ATP9A: variants seen among roughly 807,000 people sequenced by gnomAD.
The protein encoded by ATP9A is ATPase phospholipid transporting 9A.
ATP9A carries 52 observed loss-of-function variants against 144.1 expected under a neutral mutation model. That is an observed-to-expected ratio of 0.36 (90% CI 0.29 to 0.45). The LOEUF (loss-of-function observed/expected upper bound fraction) is 0.45, where lower values mean the gene tolerates loss of function less well. ATP9A is among the 20% of genes least tolerant of loss of function. The pLI is 1.00. For missense variants in ATP9A, 947 were observed against 1,392.7 expected, an observed-to-expected ratio of 0.68 and a Z score of 5.09; for synonymous variants, 582 against 557.4, an observed-to-expected ratio of 1.04 and a Z score of -0.62.
chr20:51,676,255 C>T (rs777594350), intron 9 of ATP9A, 47 bp from the exon 10 acceptor site: 1 of 1,431,560 alleles, frequency 7.0e-7, no homozygotes. Flanking sequence ...AATATTAATA[C>T]AGACAGGCAG....
At chr20:51,613,576 A>T in intron 23 of ATP9A, 101 bp downstream of exon 23, 1 of 1,258,090 alleles carries the variant, frequency 7.9e-7, no homozygotes, top group Admixed American at 2.7e-5. Flanking sequence ...TTTCCATGAT[A>T]ATTACATAGC....
intron 14 of ATP9A, among the ~76,000 whole-genome samples, chr20:51,653,317 A>G (rs1047859660): frequency 2.6e-5 from 4 of 152,152 alleles, no homozygotes; most frequent in Non-Finnish European, 5.9e-5. Flanking sequence ...AAAGCATTCC[A>G]TGAAAGATTT....
chr20:51,710,385 T>C (rs1434515246), intron 4 of ATP9A, among the ~76,000 whole-genome samples: 1 of 152,206 alleles, frequency 6.6e-6, no homozygotes, highest in East Asian at 1.9e-4. Flanking sequence ...TCATTTTGCT[T>C]TGGAACTTAC....
At chr20:51,643,905 G>A (rs1195612806) in intron 14 of ATP9A, among the ~76,000 whole-genome samples, 2 of 152,152 alleles carry the variant, frequency 1.3e-5, no homozygotes, top group African/African-American at 4.8e-5. Flanking sequence ...GGAGGCCGAG[G>A]CAGGAGGATC....
chr20:51,748,424 G>C (rs1003973140), intron 1 of ATP9A, among the ~76,000 whole-genome samples: 3 of 152,186 alleles, frequency 2.0e-5, no homozygotes, highest in Non-Finnish European at 4.4e-5. Flanking sequence ...CGCCAGTCCA[G>C]TTCCTACACA....
In ATP9A at chr20:51,721,720, G is replaced by A. The variant is rs1422628805; in HGVS notation, c.327+4099C>T. Among the ~76,000 whole-genome samples, 3 of 148,402 alleles carry A rather than the reference G, an allele frequency of 2.0e-5. No homozygotes were observed. In the Admixed American group the frequency reaches 2.1e-4, roughly 10 times the overall value. ...GGAGGCTGAGGCAGGAGAATGGCAT[G>A]AACCTGGGAGGCGGAGCTTACAGTG... On this transcript the variant is annotated intron_variant, in intron 3 of 27. Coordinates refer to ENST00000338821, the MANE Select transcript of ATP9A (RefSeq NM_006045.3).
intron 13 of ATP9A, among the ~76,000 whole-genome samples, chr20:51,665,666 G>GT (rs542842234): frequency 8.6e-4 from 130 of 151,880 alleles, no homozygotes; most frequent in African/African-American, 3.0e-3. Flanking sequence ...AGAGTTTGTG[G>GT]TAAGCCAAGA....
At chr20:51,601,785 A>G (rs533029863) in intron 27 of ATP9A, among the ~76,000 whole-genome samples, 132 of 152,282 alleles carry the variant, frequency 8.7e-4, no homozygotes, top group Non-Finnish European at 1.6e-3. Flanking sequence ...ACATGCCTAT[A>G]GTCCCAGCTG....
At chr20:51,664,399 C>A (rs2426366) in intron 13 of ATP9A, among the ~76,000 whole-genome samples, 74,110 of 151,554 alleles carry the variant, frequency 0.49, 18,857 homozygotes, top group East Asian at 0.79. Context: ...CCAGCCTGGG[C>A]AAATGGTAAC....
At chr20:51,751,304 T>C (rs1424035809) in intron 1 of ATP9A, among the ~76,000 whole-genome samples, 2 of 142,060 alleles carry the variant, frequency 1.4e-5, no homozygotes, top group African/African-American at 5.2e-5. Context: ...CTCCATCCCA[T>C]GCTGGAGTGC....
At chr20:51,666,023 G>C (rs2077431446) in intron 13 of ATP9A, among the ~76,000 whole-genome samples, 1 of 152,142 alleles carries the variant, frequency 6.6e-6, no homozygotes, top group African/African-American at 2.4e-5. Context: ...CCTTCCGCAG[G>C]ACACCTCAAG....
At chr20:51,767,651 C>T (rs542109909) in intron 1 of ATP9A, among the ~76,000 whole-genome samples, 18 of 152,286 alleles carry the variant, frequency 1.2e-4, no homozygotes, top group African/African-American at 3.8e-4. Flanking sequence ...ATTCCTTCCC[C>T]GAAATTGTGG....
chr20:51,603,098 G>A (rs776938780), intron 27 of ATP9A, among the ~76,000 whole-genome samples: 1 of 152,134 alleles, frequency 6.6e-6, no homozygotes. Flanking sequence ...CCCCCAGAGA[G>A]AGTCTATCCT....
intron 13 of ATP9A, among the ~76,000 whole-genome samples, chr20:51,664,766 T>C (rs1355439777): frequency 6.6e-6 from 1 of 151,942 alleles, no homozygotes; most frequent in Non-Finnish European, 1.5e-5. Flanking sequence ...GTCACCCAGG[T>C]TGGAGTGCAG....
intron 13 of ATP9A, among the ~76,000 whole-genome samples, chr20:51,665,571 A>C (rs1293789360): frequency 6.6e-6 from 1 of 151,996 alleles, no homozygotes; most frequent in Non-Finnish European, 1.5e-5. Flanking sequence ...ATACAAAAAA[A>C]AAATTAGCCA....
chr20:51,756,155 AG>A (rs2077854928), intron 1 of ATP9A, among the ~76,000 whole-genome samples: 2 of 152,312 alleles, frequency 1.3e-5, no homozygotes, highest in African/African-American at 4.8e-5. Flanking sequence ...ACAGTCCTGG[AG>A]GCCAGAAATC....
intron 4 of ATP9A, among the ~76,000 whole-genome samples, chr20:51,702,353 GGTGTGTGTGTTCGTGTGT>G (rs1275981019): frequency 7.5e-6 from 1 of 132,526 alleles, no homozygotes; most frequent in Admixed American, 8.3e-5. Flanking sequence ...CATGCTTCAT[GGTGTGTGTGTTCGTGTGT>G]GTGTGTGTGT....
At chr20:51,719,273 C>T (rs2077677712) in intron 3 of ATP9A, among the ~76,000 whole-genome samples, 1 of 152,032 alleles carries the variant, frequency 6.6e-6, no homozygotes, top group South Asian at 2.1e-4. Context: ...GCAGAGAGGA[C>T]AAGGGACAGC....
Position 51,725,898 on chromosome 20 carries a change from A to T in ATP9A, c.248T>A (p.Leu83His). Residue 83 changes from leucine (L) to histidine (H), a missense_variant, in exon 3 of 28, where the codon CTC (leucine) becomes CAC (histidine). Leu to His is a moderately conservative substitution (Grantham distance 99). Around this residue, in one of 2 missense-constraint regions of ATP9A, gnomAD observed 770 missense variants for 1,047.9 expected, o/e 0.73. Transcript: ENST00000338821. Reference protein sequence around the residue: ...LFNQFKYFFNLYFLLLACSQF... With the variant: ...LFNQFKYFFNHYFLLLACSQF... ...AGAGCAGGCAAGAAGTAAGAAATAGAGGTTGAAAAAGTATTTGAACTGGTT... is the reference window on the plus strand; with the variant it reads ...AGAGCAGGCAAGAAGTAAGAAATAGTGGTTGAAAAAGTATTTGAACTGGTT... The T allele has an allele frequency of 4.3e-6, 7 of 1,613,668 alleles. No homozygotes were observed. Among genetic ancestry groups the T allele is most frequent in the Non-Finnish European group, 5.9e-6 (7 of 1,179,544 alleles).
Sources: allele counts gnomAD v4.1 joint callset (sites outside exome capture counted in the v4.1 genomes callset), GRCh38; gene constraint gnomAD v4.1.1; regional missense constraint gnomAD v4.1.1; transcripts MANE v1.5; gene names NCBI Gene and HGNC (gene_info 2026-07-23, HGNC 2026-07-21).